SLC9A9: variants seen among roughly 807,000 people sequenced by gnomAD.
SLC9A9 encodes sodium/hydrogen exchanger 9.
A neutral mutation model predicts 77.8 loss-of-function variants in SLC9A9; 62 were observed. The observed-to-expected ratio is 0.80, with a 90% CI of 0.65 to 0.98. The LOEUF is 0.98. Ranked by LOEUF, SLC9A9 falls within the 50% of genes least tolerant of loss-of-function variation. The pLI is 0.00. For synonymous variants in SLC9A9, 320 were observed against 283.5 expected (o/e 1.13, Z -1.29); for missense variants, 775 against 774.9 (o/e 1.00, Z 0.00).
At chr3:143,489,326 A>G (rs1232977587) in intron 11 of SLC9A9, among the ~76,000 whole-genome samples, 1 of 151,958 alleles carries the variant, frequency 6.6e-6, no homozygotes. Context: ...TAATCTGCAA[A>G]TTCAATGCAG....
intron 14 of SLC9A9, among the ~76,000 whole-genome samples, chr3:143,327,944 A>C (rs1417825110): frequency 6.6e-6 from 1 of 152,248 alleles, no homozygotes. Flanking sequence ...TTGCAGACTT[A>C]GATTTTCTAA....
chr3:143,449,700 T>A lies in SLC9A9; in HGVS notation c.1469+17337A>T, dbSNP rs866107588. ...ATAATTATATAAAATATAATTATAT[T>A]ATATAATTATATAAAATATAATTAT... is the stretch of plus-strand genomic sequence containing the variant. On this transcript the variant is annotated intron_variant, in intron 12 of 15. Coordinates refer to ENST00000316549, the MANE Select transcript of SLC9A9 (RefSeq NM_173653.4). Among the ~76,000 whole-genome samples the A allele has an allele frequency of 1.3e-3, 69 of 51,642 alleles. 23 individuals are homozygous for A. The highest frequency in any genetic ancestry group is 5.2e-3 in the African/African-American group (58 of 11,086). 33.9% of individuals were successfully genotyped at this position (51,642 alleles called of 152,430 possible). A position where few individuals can be genotyped will look rare whatever the true frequency, so the allele number is the denominator to read the frequency against.
intron 11 of SLC9A9, among the ~76,000 whole-genome samples, chr3:143,472,999 G>T (rs1340175899): frequency 7.8e-6 from 1 of 128,670 alleles, no homozygotes; most frequent in Non-Finnish European, 1.7e-5. Context: ...TTTACAACTA[G>T]ACTTGTGTTT....
chr3:143,309,430 A>G (rs1207717945), intron 14 of SLC9A9, among the ~76,000 whole-genome samples: 2 of 152,092 alleles, frequency 1.3e-5, no homozygotes, highest in Non-Finnish European at 2.9e-5. Flanking sequence ...AAAAAAAAAA[A>G]AAAGGTTCAT....
intron 14 of SLC9A9, among the ~76,000 whole-genome samples, chr3:143,344,007 CA>C (rs1211983809): frequency 6.6e-6 from 1 of 152,068 alleles, no homozygotes; most frequent in Non-Finnish European, 1.5e-5. Flanking sequence ...ATATTATTTA[CA>C]AAGGAAACAG....
At chr3:143,796,250 G>A (rs145638224) in intron 3 of SLC9A9, among the ~76,000 whole-genome samples, 367 of 152,322 alleles carry the variant, frequency 2.4e-3, no homozygotes, top group African/African-American at 8.5e-3. Flanking sequence ...CTGTCTATGA[G>A]CATCAACAGT....
chr3:143,388,139 G>A (rs116498996), intron 12 of SLC9A9, among the ~76,000 whole-genome samples: 124 of 152,232 alleles, frequency 8.1e-4, no homozygotes, highest in African/African-American at 2.9e-3. Context: ...CAATGGAGGA[G>A]TCTGAAAGAT....
intron 14 of SLC9A9, among the ~76,000 whole-genome samples, chr3:143,345,407 C>T (rs2032233684): frequency 6.6e-6 from 1 of 152,062 alleles, no homozygotes; most frequent in Non-Finnish European, 1.5e-5. Context: ...AAGGAGGAAG[C>T]AATCAACAGT....
chr3:143,551,740 C>T (rs2036889893), intron 9 of SLC9A9, among the ~76,000 whole-genome samples: 1 of 152,198 alleles, frequency 6.6e-6, no homozygotes, highest in South Asian at 2.1e-4. Context: ...ACATCTGTGT[C>T]CTCAGAAACA....
chr3:143,848,129 TCA>T lies in SLC9A9; in HGVS notation c.175+17_175+18del, dbSNP rs2009868148. On this transcript the variant is annotated intron_variant, in intron 1 of 15. Transcript: ENST00000316549. The stretch of plus-strand genomic sequence containing the variant: ...TCAAGCAACAAGTTTCACATCAATC[TCA>T]CAATTTATGCACTCACCATACACCA... 1 of 1,608,072 alleles carries T rather than the reference TCA, an allele frequency of 6.2e-7. No individual in the cohort carries two copies. Among genetic ancestry groups the T allele is most frequent in the Non-Finnish European group, 8.5e-7 (1 of 1,174,574 alleles).
At chr3:143,412,460 C>T (rs1359339346) in intron 12 of SLC9A9, among the ~76,000 whole-genome samples, 10 of 152,164 alleles carry the variant, frequency 6.6e-5, no homozygotes, top group African/African-American at 2.4e-5. Context: ...TATGCCCTCC[C>T]CCGGCTGGAG....
chr3:143,407,861 G>A (rs1172090109), intron 12 of SLC9A9, among the ~76,000 whole-genome samples: 4 of 152,230 alleles, frequency 2.6e-5, no homozygotes. Flanking sequence ...GAATCAGTAG[G>A]TATATTAGCA....
rs557941192 is a variant in SLC9A9, at chr3:143,350,316, C to T, written c.1604+13168G>A. Among the ~76,000 whole-genome samples the T allele has an allele frequency of 2.6e-5, 4 of 152,264 alleles. No homozygotes were observed. In the East Asian group the frequency reaches 5.8e-4, roughly 22 times the overall value. On this transcript the variant is annotated intron_variant, in intron 14 of 15. Coordinates refer to ENST00000316549, the MANE Select transcript of SLC9A9 (RefSeq NM_173653.4). Reference sequence around the variant, plus strand: ...TTGCAACTACCATAATTGAGGCCCCCGTGACTTCTCCCTAATCACTGCTGT... The same window carrying T: ...TTGCAACTACCATAATTGAGGCCCCTGTGACTTCTCCCTAATCACTGCTGT...
intron 11 of SLC9A9, among the ~76,000 whole-genome samples, chr3:143,478,657 A>G (rs1175520131): frequency 6.6e-6 from 1 of 152,216 alleles, no homozygotes; most frequent in African/African-American, 2.4e-5. Flanking sequence ...CTTCTTGCTC[A>G]TTTGCACATA....
intron 8 of SLC9A9, among the ~76,000 whole-genome samples, chr3:143,566,091 C>T (rs960782153): frequency 6.6e-6 from 1 of 152,098 alleles, no homozygotes; most frequent in Non-Finnish European, 1.5e-5. Context: ...AACTTACTTA[C>T]TCAGACAAGT....
At chr3:143,521,886 T>G (rs1166235658) in intron 9 of SLC9A9, among the ~76,000 whole-genome samples, 1 of 152,162 alleles carries the variant, frequency 6.6e-6, no homozygotes, top group Non-Finnish European at 1.5e-5. Flanking sequence ...GGTCTAATTC[T>G]GTTGTTTGCC....
intron 4 of SLC9A9, among the ~76,000 whole-genome samples, chr3:143,742,144 A>T (rs1438850035): frequency 3.9e-5 from 6 of 152,112 alleles, no homozygotes; most frequent in African/African-American, 1.4e-4. Context: ...GGCACCACCC[A>T]GATCAATAAA....
At chr3:143,812,029 A>G (rs2008881861) in intron 2 of SLC9A9, among the ~76,000 whole-genome samples, 1 of 152,168 alleles carries the variant, frequency 6.6e-6, no homozygotes, top group African/African-American at 2.4e-5. Flanking sequence ...AGGGGAAGGT[A>G]AAGTCCAACA....
chr3:143,808,408 GA>G lies in SLC9A9; in HGVS notation c.379-11506del, dbSNP rs2008779483. 3.3e-5 allele frequency among the ~76,000 whole-genome samples: 5 copies of G among 152,286 alleles called. No individual in the cohort carries two copies. The South Asian group carries it at 1.0e-3, about 32-fold the overall frequency. ...AATGTATTACATTAATTTATTTTCA[GA>G]AAATCAATCTAATTCTACTAGGTTT... On this transcript the variant is annotated intron_variant, in intron 2 of 15. Coordinates refer to ENST00000316549, the MANE Select transcript of SLC9A9 (RefSeq NM_173653.4).
Sources: allele counts gnomAD v4.1 joint callset (sites outside exome capture counted in the v4.1 genomes callset), GRCh38; gene constraint gnomAD v4.1.1; transcripts MANE v1.5; gene names NCBI Gene and HGNC (gene_info 2026-07-23, HGNC 2026-07-21).